Variants in HPGDS observed in about 807,000 individuals in gnomAD.
The protein encoded by HPGDS is hematopoietic prostaglandin D synthase.
In HPGDS, 26 loss-of-function variants were observed where a neutral mutation model predicts 23.1. The observed-to-expected ratio is 1.13, with a 90% confidence interval of 0.83 to 1.56. The LOEUF (loss-of-function observed/expected upper bound fraction) is 1.56, where lower values mean the gene tolerates loss of function less well. Ranked by LOEUF, HPGDS falls within the 40% of genes most tolerant of loss-of-function variation. HPGDS has a pLI of 0.00. For synonymous variants in HPGDS, 95 were observed against 77.9 expected, an observed-to-expected ratio of 1.22 and a Z score of -1.16; for missense variants, 268 against 236.4, an observed-to-expected ratio of 1.13 and a Z score of -0.88.
chr4:94,322,819 T>G (rs1360229405), intron 2 of HPGDS, among the ~76,000 whole-genome samples: 18 of 152,230 alleles, frequency 1.2e-4, no homozygotes. Flanking sequence ...TGAATGTGTT[T>G]GCTCTTGCTT....
chr4:94,303,596 A>G (rs1032727893), intron 4 of HPGDS, among the ~76,000 whole-genome samples: 2 of 152,154 alleles, frequency 1.3e-5, no homozygotes, highest in African/African-American at 4.8e-5. Flanking sequence ...TAAAGAAAAC[A>G]TTAGTTATGA....
chr4:94,305,319 A>G (rs938377419), intron 4 of HPGDS, among the ~76,000 whole-genome samples: 2 of 152,074 alleles, frequency 1.3e-5, no homozygotes, highest in Non-Finnish European at 2.9e-5. Context: ...TTGTATTTCT[A>G]TCATCAAAGC....
At chr4:94,317,207 TA>T (rs1350449646) in intron 3 of HPGDS, among the ~76,000 whole-genome samples, 1 of 152,032 alleles carries the variant, frequency 6.6e-6, no homozygotes, top group Non-Finnish European at 1.5e-5. Context: ...AAACGAGCTT[TA>T]AAAGAAGCCA....
intron 5 of HPGDS, among the ~76,000 whole-genome samples, chr4:94,300,904 G>T (rs1236644008): frequency 6.6e-6 from 1 of 152,176 alleles, no homozygotes; most frequent in African/African-American, 2.4e-5. Flanking sequence ...GGGAATGTGA[G>T]TTAGGTCTGA....
chr4:94,306,458 G>C (rs1277888354), intron 4 of HPGDS, among the ~76,000 whole-genome samples: 1 of 152,120 alleles, frequency 6.6e-6, no homozygotes, highest in East Asian at 1.9e-4. Context: ...CTAGTAAGCA[G>C]ATGGGTGAAT....
intron 1 of HPGDS, among the ~76,000 whole-genome samples, chr4:94,338,606 G>C (rs965346406): frequency 6.6e-6 from 1 of 151,950 alleles, no homozygotes; most frequent in Non-Finnish European, 1.5e-5. Flanking sequence ...ACCATATAAA[G>C]AGTCTCTACT....
chr4:94,339,762 G>C (rs1359174006), intron 1 of HPGDS, among the ~76,000 whole-genome samples: 2 of 151,882 alleles, frequency 1.3e-5, no homozygotes, highest in African/African-American at 4.8e-5. Flanking sequence ...ATCTCATCTT[G>C]AATTGTAGCT....
At chr4:94,334,675 C>T (rs1465257867) in intron 1 of HPGDS, 37 bp from the exon 2 acceptor site, 2 of 1,562,542 alleles carry the variant, frequency 1.3e-6, no homozygotes, top group African/African-American at 1.4e-5. Flanking sequence ...TTTTAAGAGC[C>T]CTCTAGAGAT....
At chr4:94,307,388 G>T (rs1272547276) in intron 4 of HPGDS, among the ~76,000 whole-genome samples, 3 of 151,452 alleles carry the variant, frequency 2.0e-5, no homozygotes, top group Non-Finnish European at 2.9e-5. Flanking sequence ...AACCATACCA[G>T]AGCGAAGCAG....
At chr4:94,341,220 T>C (rs1414760276) in intron 1 of HPGDS, among the ~76,000 whole-genome samples, 2 of 152,236 alleles carry the variant, frequency 1.3e-5, no homozygotes, top group African/African-American at 4.8e-5. Context: ...TGCTGATTTA[T>C]TTCATCTGAT....
intron 1 of HPGDS, among the ~76,000 whole-genome samples, chr4:94,342,139 A>ATTT (rs535659161): frequency 6.9e-6 from 1 of 144,858 alleles, no homozygotes; most frequent in Non-Finnish European, 1.5e-5. Context: ...TGAAAGCTCT[A>ATTT]TTTTTTTTTT....
intron 5 of HPGDS, 33 bp downstream of exon 5, chr4:94,302,113 G>T (rs768852852): frequency 2.0e-6 from 3 of 1,485,606 alleles, no homozygotes; most frequent in Non-Finnish European, 2.8e-6. Context: ...CCTTTTATTT[G>T]CTTGAATTTT....
rs560225982 is a variant in HPGDS at position 94,334,530 on chromosome 4, T to A, written c.100A>T (p.Ile34Leu). 6.2e-5 allele frequency: 100 copies of A among 1,611,436 alleles called. 1 individual carries two copies. The South Asian group carries it at 1.1e-3, about 17-fold the overall frequency. ...YLDIQYEDHR[I>L]EQADWPEIKS... ...ATTTCAGGCCAGTCAGCTTGTTCTATTCTGTGGTCTTCATACTGTATGTCC... is the reference window on the plus strand; with the variant it reads ...ATTTCAGGCCAGTCAGCTTGTTCTAATCTGTGGTCTTCATACTGTATGTCC... The change falls in exon 2 of 6, where the codon ATA (isoleucine) becomes TTA (leucine). Residue 34 changes from isoleucine to leucine, a missense_variant. Coordinates refer to ENST00000295256, the MANE Select transcript of HPGDS (RefSeq NM_014485.3).
At chr4:94,317,705 T>G (rs1756424795) in intron 3 of HPGDS, among the ~76,000 whole-genome samples, 168 bp downstream of exon 3, 1 of 152,230 alleles carries the variant, frequency 6.6e-6, no homozygotes, top group Non-Finnish European at 1.5e-5. Context: ...TCCAGGGAAC[T>G]CATGGAAAGT....
chr4:94,340,289 C>G (rs1348845714), intron 1 of HPGDS, among the ~76,000 whole-genome samples: 1 of 41,482 alleles, frequency 2.4e-5, no homozygotes. Flanking sequence ...TTCTTTCTTT[C>G]TTTCTTTCTT....
chr4:94,315,822 C>T (rs1756385790), intron 3 of HPGDS, among the ~76,000 whole-genome samples: 3 of 152,272 alleles, frequency 2.0e-5, no homozygotes, highest in East Asian at 3.9e-4. Context: ...CAGAATTCTT[C>T]ACTCATTTTC....
intron 4 of HPGDS, among the ~76,000 whole-genome samples, chr4:94,306,221 C>T (rs922562819): frequency 1.7e-4 from 26 of 152,072 alleles, no homozygotes; most frequent in African/African-American, 4.6e-4. Flanking sequence ...AGTAATCACA[C>T]ACCACCTGCC....
At chr4:94,335,453 G>C (rs566636128) in intron 1 of HPGDS, among the ~76,000 whole-genome samples, 4 of 152,102 alleles carry the variant, frequency 2.6e-5, no homozygotes, top group Admixed American at 2.6e-4. Context: ...TTAAGCACTC[G>C]TAGTGGAATA....
intron 2 of HPGDS, among the ~76,000 whole-genome samples, chr4:94,329,940 T>C (rs894576922): frequency 7.9e-5 from 12 of 152,240 alleles, no homozygotes; most frequent in African/African-American, 2.7e-4. Context: ...ATAACTACAG[T>C]GATCTTGGTA....
Sources: allele counts gnomAD v4.1 joint callset (sites outside exome capture counted in the v4.1 genomes callset), GRCh38; gene constraint gnomAD v4.1.1; transcripts MANE v1.5; gene names NCBI Gene and HGNC (gene_info 2026-07-23, HGNC 2026-07-21).